Variants in PAX7 observed in about 807,000 individuals in gnomAD.
PAX7 encodes paired box protein Pax-7.
PAX7 carries 18 observed loss-of-function variants against 50.7 expected under a neutral mutation model. The observed-to-expected ratio is 0.36, with a 90% CI of 0.25 to 0.53. The LOEUF is 0.53. PAX7 is among the 20% of genes least tolerant of loss of function. The probability of loss-of-function intolerance (pLI) is 0.93; values close to 1 mark genes in which losing one functional copy is unlikely to be tolerated. For synonymous variants in PAX7, 310 were observed against 290.4 expected, an observed-to-expected ratio of 1.07 and a Z score of -0.69; for missense variants, 644 against 702.9, an observed-to-expected ratio of 0.92 and a Z score of 0.95.
intron 4 of PAX7, among the ~76,000 whole-genome samples, chr1:18,679,878 C>A (rs2088872570): frequency 6.6e-6 from 1 of 152,238 alleles, no homozygotes; most frequent in African/African-American, 2.4e-5. Context: ...CGCCAGGCAA[C>A]TGTGCTTGCC....
rs910541720 is a variant in PAX7, at chr1:18,726,593, C to T, written c.1156-9039C>T. The stretch of plus-strand genomic sequence containing the variant: ...CAAACAGGGTGAGGCTCAGTCTGTT[C>T]CCAGGCAGAGGGTTGGGCCTTAGTG... On this transcript the variant is annotated intron_variant, in intron 7 of 8. Transcript: ENST00000420770. This position sits in a 1 kb window ranked among gnomAD's most constrained non-coding sequence, Gnocchi z 4.8. Among the ~76,000 whole-genome samples the T allele has an allele frequency of 2.0e-5, 3 of 152,104 alleles. No homozygotes were observed. Among genetic ancestry groups the T allele is most frequent in the Non-Finnish European group, 4.4e-5 (3 of 68,030 alleles).
In PAX7 at chr1:18,745,473, C is replaced by T. The variant is rs2841044; in HGVS notation, c.*544C>T. 0.058 allele frequency: 13,464 copies of T among 233,218 alleles called. 1,732 individuals carry two copies. Among genetic ancestry groups the T allele is most frequent in the African/African-American group, 0.27 (12,213 of 45,250 alleles). The allele number at this position is 233,218 out of a possible 1,614,324, so 14.4% of individuals were successfully genotyped here. A position where few individuals can be genotyped will look rare whatever the true frequency, so the allele number is the denominator to read the frequency against. ...ACTCCAGCAAAGAGGGGACCCTGGC[C>T]CTGGGGTCTTCCCAGGGGAGTCAGC... On this transcript the variant is annotated 3_prime_UTR_variant, in exon 9 of 9. Transcript: ENST00000420770.
At chr1:18,718,807 A>G (rs964602673) in intron 7 of PAX7, among the ~76,000 whole-genome samples, 3 of 151,496 alleles carry the variant, frequency 2.0e-5, no homozygotes, top group African/African-American at 4.9e-5. Context: ...CACGCTGGCT[A>G]ATTTTTGCAT....
chr1:18,705,211 G>A (rs1322141496), intron 7 of PAX7, among the ~76,000 whole-genome samples: 3 of 152,206 alleles, frequency 2.0e-5, no homozygotes, highest in Admixed American at 6.5e-5. Context: ...CTTCCCTGGG[G>A]ACCCCAGTTG....
At chr1:18,676,463 G>A (rs908266701) in intron 4 of PAX7, among the ~76,000 whole-genome samples, 8 of 145,622 alleles carry the variant, frequency 5.5e-5, no homozygotes, top group African/African-American at 7.6e-5. Flanking sequence ...GCGACCAGCC[G>A]GAGACACAAG....
chr1:18,669,601 T>C (rs1276608453), intron 4 of PAX7, among the ~76,000 whole-genome samples: 1 of 152,280 alleles, frequency 6.6e-6, no homozygotes, highest in South Asian at 2.1e-4. Context: ...ACTCTTTTGA[T>C]GCAGAGAGGA....
intron 7 of PAX7, among the ~76,000 whole-genome samples, chr1:18,712,836 C>G (rs1420813959): frequency 2.6e-5 from 4 of 152,118 alleles, no homozygotes; most frequent in African/African-American, 9.7e-5. Flanking sequence ...AATCCCAGCA[C>G]TTTGGGAGGC....
chr1:18,706,239 C>G (rs1235222284), intron 7 of PAX7, among the ~76,000 whole-genome samples: 2 of 152,110 alleles, frequency 1.3e-5, no homozygotes, highest in African/African-American at 4.8e-5. Context: ...CAGGGAGACG[C>G]CCTGTGAGGA....
intron 4 of PAX7, among the ~76,000 whole-genome samples, chr1:18,655,782 T>G (rs1035496905): frequency 6.7e-6 from 1 of 149,742 alleles, no homozygotes; most frequent in South Asian, 2.1e-4. Context: ...TGTGTGTGTG[T>G]GTGTGTGTGT....
intron 8 of PAX7, among the ~76,000 whole-genome samples, chr1:18,737,803 T>C (rs1013624854): frequency 6.6e-6 from 1 of 152,256 alleles, no homozygotes; most frequent in African/African-American, 2.4e-5. Context: ...TGGTTGAGCG[T>C]GTCTTTATGT....
chr1:18,712,756 C>T (rs941209406), intron 7 of PAX7, among the ~76,000 whole-genome samples: 3 of 152,238 alleles, frequency 2.0e-5, no homozygotes, highest in South Asian at 2.1e-4. Flanking sequence ...TATCTGAGTC[C>T]GAACAAGAGG....
Position 18,747,095 on chromosome 1 carries a change from A to C in PAX7, c.*2166A>C, listed in dbSNP as rs987647680. On this transcript the variant is annotated 3_prime_UTR_variant, in exon 9 of 9. Coordinates refer to ENST00000420770, the MANE Select transcript of PAX7 (RefSeq NM_001135254.2). ...GAAAGCAACTCTTCCTGAAGACCAA[A>C]CACTCGTCATCCACATTCCTTGAAT... 4.4e-6 allele frequency: 1 copy of C among 229,324 alleles called. No homozygotes were observed. The highest frequency in any genetic ancestry group is 8.6e-6 in the Non-Finnish European group (1 of 115,636). The allele number at this position is 229,324 out of a possible 1,614,324, so 14.2% of individuals were successfully genotyped here.
rs1404762549 is a variant in PAX7 at position 18,726,151 on chromosome 1, T to A, written c.1156-9481T>A. ...CAGACATTGGAAGAGTGTGAGTGTG[T>A]GTGTGTGTGTGTGTGTGTGTGTGTG... On this transcript the variant is annotated intron_variant, in intron 7 of 8. Transcript: ENST00000420770. This position sits in a 1 kb window ranked among gnomAD's most constrained non-coding sequence, Gnocchi z 4.8. 2.1e-4 allele frequency among the ~76,000 whole-genome samples: 20 copies of A among 95,294 alleles called. No individual in the cohort carries two copies. Among genetic ancestry groups the A allele is most frequent in the African/African-American group, 9.5e-4 (18 of 19,040 alleles). The allele number at this position is 95,294 out of a possible 152,430, so 62.5% of individuals were successfully genotyped here. A position where few individuals can be genotyped will look rare whatever the true frequency, so the allele number is the denominator to read the frequency against.
At chr1:18,743,974 AC>A (rs1931286935) in intron 8 of PAX7, among the ~76,000 whole-genome samples, 1 of 152,178 alleles carries the variant, frequency 6.6e-6, no homozygotes, top group African/African-American at 2.4e-5. Context: ...AGTTGTTCAC[AC>A]ACACAAGTAT....
intron 4 of PAX7, among the ~76,000 whole-genome samples, chr1:18,665,255 G>A (rs1055882260): frequency 2.6e-5 from 4 of 152,164 alleles, no homozygotes; most frequent in Admixed American, 2.6e-4. Flanking sequence ...ACACACCTAT[G>A]GCACATGACC....
intron 7 of PAX7, among the ~76,000 whole-genome samples, chr1:18,720,133 T>C (rs2100366264): frequency 6.6e-6 from 1 of 152,324 alleles, no homozygotes; most frequent in African/African-American, 2.4e-5. Context: ...TCCAAGTCTG[T>C]TCTGCACTTT....
chr1:18,734,095 T>G (rs1038546428), intron 7 of PAX7, among the ~76,000 whole-genome samples: 5 of 152,332 alleles, frequency 3.3e-5, no homozygotes, highest in East Asian at 1.9e-4. Flanking sequence ...CCTCAATGCC[T>G]GTGGCACAAG....
intron 5 of PAX7, among the ~76,000 whole-genome samples, chr1:18,696,193 G>A (rs1339195644): frequency 2.0e-5 from 3 of 151,642 alleles, no homozygotes; most frequent in East Asian, 1.9e-4. Context: ...AGCCTCCCGA[G>A]TAGCTGGGAT....
At chr1:18,691,091 C>T (rs2089062122) in intron 4 of PAX7, among the ~76,000 whole-genome samples, 1 of 152,174 alleles carries the variant, frequency 6.6e-6, no homozygotes, top group Non-Finnish European at 1.5e-5. Flanking sequence ...GATTCTCCCA[C>T]CTCAGCCTCT....
Sources: gnomAD v4.1 joint callset for allele counts (sites outside exome capture counted in the v4.1 genomes callset) on GRCh38, gnomAD v4.1.1 for gene constraint, Gnocchi (gnomAD v3.1) non-coding constraint, MANE v1.5 for transcripts, NCBI Gene and HGNC (gene_info 2026-07-23, HGNC 2026-07-21) for gene names.